Variants in ITGA2 observed in about 807,000 individuals in gnomAD.
ITGA2 encodes the protein integrin subunit alpha 2.
Under a neutral mutation model 146.3 loss-of-function variants are expected in ITGA2, and 101 were observed. The ratio of observed to expected loss-of-function variants is 0.69; its 90% CI spans 0.59 to 0.81. The LOEUF is 0.81. Ranked by LOEUF, ITGA2 falls within the 40% of genes least tolerant of loss-of-function variation. ITGA2 has a pLI of 0.00. For missense variants in ITGA2, 1,281 were observed against 1,402.7 expected, an observed-to-expected ratio of 0.91 and a Z score of 1.39; for synonymous variants, 477 against 487.1, an observed-to-expected ratio of 0.98 and a Z score of 0.27.
chr5:53,012,397 C>T (rs1316467829), intron 1 of ITGA2, among the ~76,000 whole-genome samples: 3 of 152,080 alleles, frequency 2.0e-5, no homozygotes, highest in Non-Finnish European at 4.4e-5. Context: ...AAATTAATTT[C>T]TATTTTTATT....
chr5:53,070,260 G>T lies in ITGA2; in HGVS notation c.2235G>T (p.Gln745His), dbSNP rs267606593. 6 of 1,611,458 alleles carry T rather than the reference G, an allele frequency of 3.7e-6. No individual in the cohort carries two copies. In the Admixed American group the frequency reaches 5.0e-5, roughly 13 times the overall value. ...GCCCCGAGCACATCATTTATATACA[G>T]GTAAGGCCTCAGGAACATCCCTTTT... ...QSCPEHIIYI[Q>H]EPSDVVNSLD... is the part of the protein sequence containing the mutation. The change falls in exon 17 of 30, where the codon CAG (glutamine) becomes CAT (histidine). Residue 745 changes from glutamine to histidine, a missense_variant and splice_region_variant. Gln to His is a conservative substitution (Grantham distance 24). Coordinates refer to ENST00000296585, the MANE Select transcript of ITGA2 (RefSeq NM_002203.4).
chr5:53,015,186 T>C (rs944675684), intron 1 of ITGA2, among the ~76,000 whole-genome samples: 2 of 152,162 alleles, frequency 1.3e-5, no homozygotes, highest in Non-Finnish European at 1.5e-5. Context: ...TGGTGTGATA[T>C]TAGGTTGTTA....
chr5:53,006,702 T>A (rs188830821), intron 1 of ITGA2, among the ~76,000 whole-genome samples: 8 of 152,278 alleles, frequency 5.3e-5, no homozygotes, highest in Admixed American at 4.6e-4. Context: ...GTCAAAGGCA[T>A]ATTTATTATA....
rs750714346 is a variant in ITGA2 at position 53,074,385 on chromosome 5, G to A, written c.2572G>A (p.Val858Ile). 2 of 1,611,824 alleles carry A rather than the reference G, an allele frequency of 1.2e-6. No individual in the cohort carries two copies. Among genetic ancestry groups the A allele is most frequent in the Non-Finnish European group, 1.7e-6 (2 of 1,178,508 alleles). Reference protein sequence around the residue: ...NLFFASFSLPVDGTEVTCQVA... With the variant: ...NLFFASFSLPIDGTEVTCQVA... The stretch of plus-strand genomic sequence containing the variant: ...TTGTTGTTTCCTTGGTCTTGTTCAG[G>A]TTGATGGGACAGAAGTAACATGCCA... Residue 858 changes from valine (V) to isoleucine (I), a missense_variant and splice_region_variant, in exon 21 of 30, where the codon GTT becomes ATT. Val to Ile is a conservative substitution (Grantham distance 29). Transcript: ENST00000296585.
chr5:53,058,143 A>G (rs1440658081), intron 10 of ITGA2, 42 bp downstream of exon 10: 1 of 1,424,548 alleles, frequency 7.0e-7, no homozygotes, highest in Non-Finnish European at 9.9e-7. Flanking sequence ...GTCATTTGGC[A>G]TAACACTTCC....
intron 12 of ITGA2, among the ~76,000 whole-genome samples, chr5:53,062,365 C>G (rs1054477103): frequency 6.6e-6 from 1 of 151,906 alleles, no homozygotes; most frequent in African/African-American, 2.4e-5. Flanking sequence ...TATTTATTCT[C>G]CCTGCCTCTA....
intron 1 of ITGA2, among the ~76,000 whole-genome samples, chr5:53,024,535 A>G (rs1481230669): frequency 6.6e-6 from 1 of 152,240 alleles, no homozygotes; most frequent in Non-Finnish European, 1.5e-5. Context: ...TTTAGTAGGC[A>G]CAGACAAAAG....
At chr5:53,002,513 T>C (rs1741633085) in intron 1 of ITGA2, among the ~76,000 whole-genome samples, 1 of 152,194 alleles carries the variant, frequency 6.6e-6, no homozygotes. Context: ...TATCACTTAA[T>C]ATATTTTGTA....
intron 1 of ITGA2, among the ~76,000 whole-genome samples, chr5:53,006,635 T>G (rs1480572454): frequency 1.3e-5 from 2 of 152,316 alleles, no homozygotes; most frequent in Admixed American, 1.3e-4. Flanking sequence ...AAGGTATTAT[T>G]CTAAGTGCTG....
At chr5:53,029,462 A>G (rs1331009050) in intron 2 of ITGA2, among the ~76,000 whole-genome samples, 1 of 152,132 alleles carries the variant, frequency 6.6e-6, no homozygotes, top group African/African-American at 2.4e-5. Context: ...AGCTTTTGCA[A>G]ATTATTTTCT....
intron 1 of ITGA2, among the ~76,000 whole-genome samples, chr5:53,009,323 G>A (rs1416786699): frequency 2.0e-5 from 3 of 152,096 alleles, no homozygotes; most frequent in African/African-American, 7.2e-5. Flanking sequence ...GGTTTCTGTA[G>A]ATTGCCTTGA....
chr5:53,079,572 TA>T (rs1185237505), intron 24 of ITGA2, among the ~76,000 whole-genome samples: 1 of 152,162 alleles, frequency 6.6e-6, no homozygotes, highest in Admixed American at 6.6e-5. Flanking sequence ...TCCACTATCC[TA>T]AGCCAATACC....
intron 1 of ITGA2, among the ~76,000 whole-genome samples, chr5:52,992,928 G>A (rs1365074505): frequency 6.6e-6 from 1 of 151,824 alleles, no homozygotes; most frequent in African/African-American, 2.4e-5. Context: ...GCCCACACAT[G>A]TACACACTCT....
At chr5:53,004,198 G>C (rs1474958025) in intron 1 of ITGA2, among the ~76,000 whole-genome samples, 1 of 151,980 alleles carries the variant, frequency 6.6e-6, no homozygotes, top group Non-Finnish European at 1.5e-5. Context: ...ATCCAGTTGA[G>C]CACCACTGCA....
At chr5:53,062,428 T>A (rs1744942917) in intron 12 of ITGA2, among the ~76,000 whole-genome samples, 1 of 151,898 alleles carries the variant, frequency 6.6e-6, no homozygotes, top group Admixed American at 6.6e-5. Context: ...AAGGTTTGCC[T>A]TATAAGTATG....
chr5:53,070,590 C>T (rs1745344086), intron 17 of ITGA2, among the ~76,000 whole-genome samples: 1 of 151,824 alleles, frequency 6.6e-6, no homozygotes, highest in Admixed American at 6.6e-5. Context: ...TTGATATTTT[C>T]CTATCAGGGA....
rs1189757380 is a variant in ITGA2, at chr5:53,083,379, T to C, written c.3184T>C (p.Leu1062=). 1 of 1,613,726 alleles carries C rather than the reference T, an allele frequency of 6.2e-7. No homozygotes were observed. The highest frequency in any genetic ancestry group is 1.1e-5 in the South Asian group (1 of 91,082). The change falls in exon 27 of 30, where the codon TTG becomes CTG. Residue 1062 remains leucine (L), a synonymous_variant. Transcript: ENST00000296585. ...TTCCTGTAGTAATGTTACCTGCTGG[T>C]TGAAAGACGTTCACATGAAAGGAGA... ...TASCSNVTCW[L]KDVHMKGEYF...
rs1251231575 is a variant in ITGA2 at position 53,075,120 on chromosome 5, C to T, written c.2724C>T (p.Leu908=). 6.2e-7 allele frequency: 1 copy of T among 1,611,844 alleles called. No individual in the cohort carries two copies. Among genetic ancestry groups the T allele is most frequent in the Non-Finnish European group, 8.5e-7 (1 of 1,178,580 alleles). ...AAAACCTTCAGAATCAGGCGTCTCT[C>T]AGTTTCCAAGCCTTAAGGTAAAACA... ...NLQNLQNQAS[L]SFQALSESQE... The change falls in exon 22 of 30, where the codon CTC becomes CTT. Residue 908 remains leucine, a synonymous_variant. Transcript: ENST00000296585.
intron 1 of ITGA2, among the ~76,000 whole-genome samples, chr5:53,026,084 A>G (rs1448874229): frequency 1.3e-5 from 2 of 152,246 alleles, no homozygotes; most frequent in African/African-American, 4.8e-5. Context: ...CACTTTTGAC[A>G]GTTCCCACTG....
Sources: gnomAD v4.1 joint callset for allele counts (sites outside exome capture counted in the v4.1 genomes callset) on GRCh38, gnomAD v4.1.1 for gene constraint, MANE v1.5 for transcripts, NCBI Gene and HGNC (gene_info 2026-07-23, HGNC 2026-07-21) for gene names.